Variants in FRMD7 observed in about 807,000 individuals in gnomAD.
The protein encoded by FRMD7 is FERM domain containing 7, also known as FERM domain-containing protein 7.
Under a neutral mutation model 44.1 loss-of-function variants are expected in FRMD7, and 14 were observed. The ratio of observed to expected loss-of-function variants is 0.32; its 90% CI spans 0.21 to 0.50. FRMD7 has a LOEUF of 0.50. Ranked by LOEUF, FRMD7 falls within the 20% of genes least tolerant of loss-of-function variation. The pLI, the probability that FRMD7 is intolerant of heterozygous loss-of-function variation, is 0.99. For missense variants in FRMD7, 501 were observed against 522.3 expected (o/e 0.96, Z 0.40); for synonymous variants, 212 against 187.4 (o/e 1.13, Z -1.07).
intron 1 of FRMD7, 127 bp downstream of exon 1, chrX:132,127,661 C>T: frequency 1.7e-6 from 1 of 575,213 alleles, no homozygotes; most frequent in Non-Finnish European, 3.1e-6. Context: ...TTTTCCAAAG[C>T]TAAAAATCAC....
intron 1 of FRMD7, among the ~76,000 whole-genome samples, chrX:132,103,201 A>G (rs989162041): frequency 1.8e-5 from 2 of 111,320 alleles, no homozygotes; most frequent in Non-Finnish European, 3.8e-5. Context: ...GCAGCCTTTA[A>G]TTTTTTCTAC....
intron 3 of FRMD7, among the ~76,000 whole-genome samples, chrX:132,097,943 G>A (rs948410822): frequency 8.9e-6 from 1 of 112,577 alleles, no homozygotes; most frequent in Non-Finnish European, 1.9e-5. Flanking sequence ...TATCTGCAAA[G>A]CAGGTATTGG....
chrX:132,124,578 G>A (rs1434433443), intron 1 of FRMD7, among the ~76,000 whole-genome samples: 1 of 111,920 alleles, frequency 8.9e-6, no homozygotes, highest in African/African-American at 3.2e-5. Flanking sequence ...AATATTTTCA[G>A]AGAATTTATC....
At chrX:132,120,533 C>G (rs1478126153) in intron 1 of FRMD7, among the ~76,000 whole-genome samples, 1 of 113,023 alleles carries the variant, frequency 8.8e-6, no homozygotes, top group Non-Finnish European at 1.9e-5. Flanking sequence ...AGCCAGTTCC[C>G]CAATCTCTTC....
At chrX:132,119,437 C>T (rs1050367031) in intron 1 of FRMD7, among the ~76,000 whole-genome samples, 1 of 111,567 alleles carries the variant, frequency 9.0e-6, no homozygotes, top group East Asian at 2.8e-4. Flanking sequence ...AGGTGAATTT[C>T]GTCATCATAG....
rs1011456376 is a variant in FRMD7, at chrX:132,077,072, C to A, written c.*800G>T. On this transcript the variant is annotated 3_prime_UTR_variant, in exon 12 of 12. Coordinates refer to ENST00000298542, the MANE Select transcript of FRMD7 (RefSeq NM_194277.3). ...ATTCATTTCCTGGCCTGCATACATG[C>A]AAGAAGCTATGACAAAAAATAAATT... 2.7e-5 allele frequency: 3 copies of A among 111,841 alleles called. No homozygotes were observed. Among genetic ancestry groups the A allele is most frequent in the Admixed American group, 1.9e-4 (2 of 10,524 alleles). 9.2% of individuals were successfully genotyped at this position (111,841 alleles called of 1,213,427 possible).
intron 1 of FRMD7, among the ~76,000 whole-genome samples, chrX:132,115,280 G>A (rs1928872828): frequency 8.9e-6 from 1 of 112,072 alleles, no homozygotes; most frequent in African/African-American, 3.2e-5. Context: ...CAGATTTAAG[G>A]ACCTCTGCCA....
chrX:132,099,089 G>A (rs752203662), intron 3 of FRMD7, among the ~76,000 whole-genome samples: 1 of 111,762 alleles, frequency 8.9e-6, no homozygotes, highest in Non-Finnish European at 1.9e-5. Flanking sequence ...GAACTAAAGC[G>A]AGTGAATAAT....
chrX:132,084,664 T>C (rs1927927284), intron 7 of FRMD7, 79 bp from the exon 8 acceptor site: 1 of 604,799 alleles, frequency 1.7e-6, no homozygotes, highest in Admixed American at 2.3e-5. Context: ...TGATAGAAAA[T>C]GCACTTAATG....
In FRMD7 at chrX:132,091,467, C is replaced by A. The variant is rs147710601; in HGVS notation, c.382+2575G>T. Reference sequence around the variant, plus strand: ...TTTTGTTGCATAGCTTACCCTCCCACCTCCTTCAAGTCTTTGTTTAGCTGT... The same window carrying A: ...TTTTGTTGCATAGCTTACCCTCCCAACTCCTTCAAGTCTTTGTTTAGCTGT... On this transcript the variant is annotated intron_variant, in intron 5 of 11. Transcript: ENST00000298542. Among the ~76,000 whole-genome samples, 8 of 111,377 alleles carry A rather than the reference C, an allele frequency of 7.2e-5. No individual in the cohort carries two copies. The East Asian group carries it at 2.3e-3, about 32-fold the overall frequency.
chrX:132,102,035 T>C lies in FRMD7; in HGVS notation c.58-1319A>G, dbSNP rs1928515221. Among the ~76,000 whole-genome samples, 3 of 111,099 alleles carry C rather than the reference T, an allele frequency of 2.7e-5. No individual in the cohort carries two copies. The Admixed American group carries it at 2.9e-4, about 11-fold the overall frequency. Reference sequence around the variant, plus strand: ...GGAAGCCAGGCGCGGGGAAATGTAGTTGGAAATCACCGACCCATAGAATTA... The same window carrying C: ...GGAAGCCAGGCGCGGGGAAATGTAGCTGGAAATCACCGACCCATAGAATTA... On this transcript the variant is annotated intron_variant, in intron 1 of 11. Coordinates refer to ENST00000298542, the MANE Select transcript of FRMD7 (RefSeq NM_194277.3).
In FRMD7 at chrX:132,089,744, G is replaced by A. The variant is rs185996353; in HGVS notation, c.383-3710C>T. Among the ~76,000 whole-genome samples the A allele has an allele frequency of 6.0e-3, 676 of 111,886 alleles. 5 individuals are homozygous for A. Among genetic ancestry groups the A allele is most frequent in the African/African-American group, 0.021 (638 of 30,824 alleles). The stretch of plus-strand genomic sequence containing the variant: ...AGCACATGAAACTGTGCTCAACATC[G>A]TTAGTCATTAGGAAAATGCTAATTA... On this transcript the variant is annotated intron_variant, in intron 5 of 11. Transcript: ENST00000298542.
intron 5 of FRMD7, among the ~76,000 whole-genome samples, chrX:132,086,662 A>G (rs755105344): frequency 2.6e-5 from 2 of 76,001 alleles, no homozygotes; most frequent in Admixed American, 1.2e-4. Flanking sequence ...AGGCCTCAGG[A>G]AAAAAAAAAA....
At chrX:132,103,000 A>C (rs1928544685) in intron 1 of FRMD7, among the ~76,000 whole-genome samples, 1 of 111,974 alleles carries the variant, frequency 8.9e-6, no homozygotes, top group Admixed American at 9.5e-5. Context: ...CCATCCCTGT[A>C]AGTGTTGCCA....
At position 132,099,632 on chromosome X, in the gene FRMD7, G is replaced by C. The variant is rs1602818515; in HGVS notation, c.163-122C>G. On this transcript the variant is annotated intron_variant, in intron 2 of 11. Transcript: ENST00000298542. The stretch of plus-strand genomic sequence containing the variant: ...TACCAGGACTATTTAGACTTCTAAA[G>C]GTAGAAACAAACAGCAATGTCAAAT... The C allele has an allele frequency of 4.5e-5, 22 of 487,229 alleles. No individual in the cohort carries two copies. The East Asian group carries it at 9.0e-4, about 20-fold the overall frequency. 40.2% of individuals were successfully genotyped at this position (487,229 alleles called of 1,213,427 possible).
At chrX:132,093,785 G>A (rs1928250996) in intron 5 of FRMD7, among the ~76,000 whole-genome samples, 2 of 112,591 alleles carry the variant, frequency 1.8e-5, no homozygotes, top group South Asian at 7.4e-4. Flanking sequence ...CCCAGAGGCG[G>A]TAGGAGGGGA....
intron 1 of FRMD7, among the ~76,000 whole-genome samples, chrX:132,116,920 T>C (rs1928914522): frequency 8.9e-6 from 1 of 112,500 alleles, no homozygotes; most frequent in Non-Finnish European, 1.9e-5. Context: ...AAAGAGTGGA[T>C]GGAGTGGTCA....
chrX:132,080,142 G>A (rs1927759895), intron 10 of FRMD7, 56 bp downstream of exon 10: 1 of 1,126,114 alleles, frequency 8.9e-7, no homozygotes, highest in Non-Finnish European at 1.2e-6. Context: ...AGGATACATA[G>A]AAATCTCCAA....
chrX:132,110,653 CACTT>C (rs1053321310), intron 1 of FRMD7, among the ~76,000 whole-genome samples: 1 of 112,013 alleles, frequency 8.9e-6, no homozygotes, highest in Non-Finnish European at 1.9e-5. Flanking sequence ...CAGCTTGCCT[CACTT>C]ACTCTCCATC....
Sources: gnomAD v4.1 joint callset for allele counts (sites outside exome capture counted in the v4.1 genomes callset) on GRCh38, gnomAD v4.1.1 for gene constraint, MANE v1.5 for transcripts, NCBI Gene and HGNC (gene_info 2026-07-23, HGNC 2026-07-21) for gene names.